The following ATP11A variants were observed in gnomAD, a reference collection of about 807,000 sequenced individuals.
ATP11A encodes the protein ATPase phospholipid transporting 11A.
Under a neutral mutation model 154.4 loss-of-function variants are expected in ATP11A, and 81 were observed. The ratio of observed to expected loss-of-function variants is 0.52; its 90% CI spans 0.44 to 0.63. The LOEUF is 0.63. Among genes scored for constraint, ATP11A ranks in the 30% least tolerant of loss-of-function variants. The pLI, the probability that ATP11A is intolerant of heterozygous loss-of-function variation, is 0.00. For synonymous variants in ATP11A, 623 were observed against 585.9 expected, an observed-to-expected ratio of 1.06 and a Z score of -0.91; for missense variants, 1,316 against 1,474.3, an observed-to-expected ratio of 0.89 and a Z score of 1.76.
rs531438645 is a variant in ATP11A at position 112,796,806 on chromosome 13, C to G, written c.163-8151C>G. Reference sequence around the variant, plus strand: ...TGAGACATGCCCATAGAATCATACACCTGCCCTAGCCACATCGGGGATTTG... The same window carrying G: ...TGAGACATGCCCATAGAATCATACAGCTGCCCTAGCCACATCGGGGATTTG... On this transcript the variant is annotated intron_variant, in intron 2 of 29. Transcript: ENST00000375645. 2.0e-5 allele frequency among the ~76,000 whole-genome samples: 3 copies of G among 151,960 alleles called. No individual in the cohort carries two copies. The East Asian group carries it at 5.8e-4, about 29-fold the overall frequency.
At chr13:112,698,474 G>A (rs986414167) in intron 1 of ATP11A, among the ~76,000 whole-genome samples, 2 of 152,198 alleles carry the variant, frequency 1.3e-5, no homozygotes, top group African/African-American at 4.8e-5. Context: ...AGCTGTAATT[G>A]CAGCAGAGCC....
chr13:112,847,122 C>T (rs761736805), intron 17 of ATP11A, among the ~76,000 whole-genome samples: 3 of 152,202 alleles, frequency 2.0e-5, no homozygotes, highest in Admixed American at 1.3e-4. Context: ...TTCCCCTGCC[C>T]GAGCCTCGGC....
At chr13:112,777,829 C>T (rs2077385154) in intron 1 of ATP11A, among the ~76,000 whole-genome samples, 1 of 152,142 alleles carries the variant, frequency 6.6e-6, no homozygotes, top group Admixed American at 6.5e-5. Flanking sequence ...CTCCATGCAG[C>T]CAGGAAGCCC....
In ATP11A at chr13:112,690,469, G is replaced by A. The variant is rs1885017756; in HGVS notation, c.39+14G>A. The A allele has an allele frequency of 7.4e-7, 1 of 1,343,394 alleles. No individual in the cohort carries two copies. The highest frequency in any genetic ancestry group is 3.1e-5 in the Admixed American group (1 of 31,836). 83.2% of individuals were successfully genotyped at this position (1,343,394 alleles called of 1,614,324 possible). ...GTGCACAGATACGTGAGTGCTCCCGGCGCGGGCTGGGGGACCCGGGGACCA... is the reference window on the plus strand; with the variant it reads ...GTGCACAGATACGTGAGTGCTCCCGACGCGGGCTGGGGGACCCGGGGACCA... On this transcript the variant is annotated intron_variant, in intron 1 of 29. Transcript: ENST00000375645. This position sits in a 1 kb window ranked among gnomAD's most constrained non-coding sequence, Gnocchi z 5.6.
In ATP11A at chr13:112,785,397, G is replaced by A. The variant is rs566740767; in HGVS notation, c.162+140G>A. On this transcript the variant is annotated intron_variant, in intron 2 of 29. Transcript: ENST00000375645. This position sits in a 1 kb window ranked among gnomAD's most constrained non-coding sequence, Gnocchi z 4.8. The stretch of plus-strand genomic sequence containing the variant: ...ACCAGCCACCCCCAGCAAGGGCTTC[G>A]GATCAGGACCTCACCGAGGGCGCTA... The A allele has an allele frequency of 4.1e-5, 42 of 1,035,834 alleles. 1 individual carries two copies. The South Asian group carries it at 1.1e-3, about 27-fold the overall frequency. The allele number at this position is 1,035,834 out of a possible 1,614,324, so 64.2% of individuals were successfully genotyped here.
At chr13:112,856,348 TAAAA>T (rs34662024) in intron 20 of ATP11A, 28 of 175,688 alleles carry the variant, frequency 1.6e-4, no homozygotes, top group East Asian at 3.8e-4. Flanking sequence ...TGACTTCTGT[TAAAA>T]AAAAAAAAAA....
In ATP11A at chr13:112,870,874, C is replaced by G. The variant is rs114979744; in HGVS notation, c.2992-861C>G. On this transcript the variant is annotated intron_variant, in intron 25 of 29. Transcript: ENST00000375645. ...AGCCCTTTCTGGCCTGTGCCTCGTGCGGTAGAGAGGCGTGCTGTCCTCACG... is the reference window on the plus strand; with the variant it reads ...AGCCCTTTCTGGCCTGTGCCTCGTGGGGTAGAGAGGCGTGCTGTCCTCACG... Among the ~76,000 whole-genome samples, 622 of 152,316 alleles carry G rather than the reference C, an allele frequency of 4.1e-3. 2 individuals carry two copies. The highest frequency in any genetic ancestry group is 0.014 in the African/African-American group (591 of 41,568).
intron 1 of ATP11A, among the ~76,000 whole-genome samples, chr13:112,705,663 C>G (rs1887066118): frequency 6.6e-6 from 1 of 152,202 alleles, no homozygotes; most frequent in Non-Finnish European, 1.5e-5. Flanking sequence ...GAGGCCTAGT[C>G]TGAGACCTAA....
At chr13:112,741,642 A>G (rs979192780) in intron 1 of ATP11A, among the ~76,000 whole-genome samples, 7 of 152,266 alleles carry the variant, frequency 4.6e-5, no homozygotes, top group Admixed American at 2.0e-4. Context: ...GGTGGGCTGC[A>G]GGGAGACTCA....
intron 1 of ATP11A, among the ~76,000 whole-genome samples, chr13:112,712,215 C>T (rs572963477): frequency 1.3e-5 from 2 of 152,132 alleles, no homozygotes; most frequent in Admixed American, 6.5e-5. Context: ...GAAATGTGGC[C>T]GGTAGTTCCC....
chr13:112,866,945 A>AT (rs2080353918), intron 25 of ATP11A, among the ~76,000 whole-genome samples: 1 of 152,140 alleles, frequency 6.6e-6, no homozygotes, highest in African/African-American at 2.4e-5. Flanking sequence ...TAATTGAATA[A>AT]TTCCTGAATG....
chr13:112,756,934 C>T (rs1286836808), intron 1 of ATP11A, among the ~76,000 whole-genome samples: 2 of 152,234 alleles, frequency 1.3e-5, no homozygotes, highest in East Asian at 1.9e-4. Flanking sequence ...TCCACTACAT[C>T]TAGTAATTTA....
intron 1 of ATP11A, among the ~76,000 whole-genome samples, chr13:112,740,305 T>G (rs1891424967): frequency 6.6e-6 from 1 of 151,980 alleles, no homozygotes; most frequent in African/African-American, 2.4e-5. Context: ...GCCTCCTGAG[T>G]AGCTGGGATT....
intron 12 of ATP11A, among the ~76,000 whole-genome samples, chr13:112,829,305 C>T (rs1255100908): frequency 6.6e-6 from 1 of 152,142 alleles, no homozygotes; most frequent in East Asian, 1.9e-4. Context: ...GGCCAGGACC[C>T]CTGATGAACA....
chr13:112,862,503 G>GT lies in ATP11A; in HGVS notation c.2922dup (p.Asp975Ter). 1 of 1,614,194 alleles carries GT rather than the reference G, an allele frequency of 6.2e-7. No individual in the cohort carries two copies. The highest frequency in any genetic ancestry group is 8.5e-7 in the Non-Finnish European group (1 of 1,180,022). On this transcript the variant is annotated frameshift_variant, in exon 25 of 30. Coordinates refer to ENST00000375645, the MANE Select transcript of ATP11A (RefSeq NM_015205.3). ...TCATCTACTGGACGCTCCTGGGACT[G>GT]TTTGACGCACTGGTGTTCTTCTTTG...
In ATP11A at chr13:112,785,929, C is replaced by T. The variant is rs572989064; in HGVS notation, c.162+672C>T. On this transcript the variant is annotated intron_variant, in intron 2 of 29. Coordinates refer to ENST00000375645, the MANE Select transcript of ATP11A (RefSeq NM_015205.3). The surrounding 1 kb of genome is among the most constrained non-coding windows in gnomAD (Gnocchi z 4.8). Reference sequence around the variant, plus strand: ...TGCTTTCCAGGTAATGCGGAACGCACGTGCCTGCGTTCAGACTCCATTTAT... The same window carrying T: ...TGCTTTCCAGGTAATGCGGAACGCATGTGCCTGCGTTCAGACTCCATTTAT... 1.3e-5 allele frequency among the ~76,000 whole-genome samples: 2 copies of T among 151,914 alleles called. No individual in the cohort carries two copies. Among genetic ancestry groups the T allele is most frequent in the Non-Finnish European group, 2.9e-5 (2 of 67,994 alleles).
chr13:112,773,181 T>G (rs7335026), intron 1 of ATP11A, among the ~76,000 whole-genome samples: 1,698 of 151,664 alleles, frequency 0.011, 37 homozygotes, highest in African/African-American at 0.039. Context: ...CGCCTCTGGG[T>G]TCTGATGAGC....
chr13:112,772,782 T>C (rs931957978), intron 1 of ATP11A, among the ~76,000 whole-genome samples: 2 of 152,306 alleles, frequency 1.3e-5, no homozygotes, highest in South Asian at 2.1e-4. Context: ...CTTGGCGGGG[T>C]CACCCCGCAT....
At chr13:112,834,804 T>G (rs2079188520) in intron 15 of ATP11A, 144 bp downstream of exon 15, 1 of 648,462 alleles carries the variant, frequency 1.5e-6, no homozygotes, top group South Asian at 1.9e-5. Flanking sequence ...ACCCCAGGAA[T>G]GTCACCAGAA....
Sources: allele counts gnomAD v4.1 joint callset (sites outside exome capture counted in the v4.1 genomes callset), GRCh38; gene constraint gnomAD v4.1.1; non-coding constraint Gnocchi (gnomAD v3.1); transcripts MANE v1.5; gene names NCBI Gene and HGNC (gene_info 2026-07-23, HGNC 2026-07-21).